The following ENOX1 variants were observed in gnomAD, a reference collection of about 807,000 sequenced individuals.
ENOX1 encodes the protein ecto-NOX disulfide-thiol exchanger 1.
ENOX1 carries 42 observed loss-of-function variants against 82.5 expected under a neutral mutation model. The observed-to-expected ratio is 0.51, with a 90% confidence interval of 0.40 to 0.66. The LOEUF is 0.66. Ranked by LOEUF, ENOX1 falls within the 30% of genes least tolerant of loss-of-function variation. The probability of loss-of-function intolerance (pLI) is 0.00; values close to 1 mark genes in which losing one functional copy is unlikely to be tolerated. For missense variants in ENOX1, 608 were observed against 811.6 expected (o/e 0.75, Z 3.05); for synonymous variants, 271 against 282.2 (o/e 0.96, Z 0.40).
At chr13:43,770,257 G>A (rs1841282441) in intron 1 of ENOX1, among the ~76,000 whole-genome samples, 1 of 152,158 alleles carries the variant, frequency 6.6e-6, no homozygotes, top group Non-Finnish European at 1.5e-5. Flanking sequence ...ATGAGAAAAT[G>A]GCATTCCCCC....
At chr13:43,498,057 A>T (rs1030293031) in intron 2 of ENOX1, among the ~76,000 whole-genome samples, 1 of 152,048 alleles carries the variant, frequency 6.6e-6, no homozygotes, top group South Asian at 2.1e-4. Context: ...TGACTAAACC[A>T]TATATATTTC....
intron 2 of ENOX1, among the ~76,000 whole-genome samples, chr13:43,554,101 T>C (rs960092434): frequency 1.3e-5 from 2 of 152,084 alleles, no homozygotes; most frequent in Non-Finnish European, 2.9e-5. Flanking sequence ...GGGGAAAACA[T>C]AAATAATTAC....
At chr13:43,459,721 C>T (rs2057379618) in intron 3 of ENOX1, among the ~76,000 whole-genome samples, 1 of 152,078 alleles carries the variant, frequency 6.6e-6, no homozygotes, top group Non-Finnish European at 1.5e-5. Flanking sequence ...CTGCTGGGTG[C>T]GGTGGCTCCC....
In ENOX1 at chr13:43,625,541, T is replaced by C. The variant is rs181722774; in HGVS notation, c.-219+41938A>G. Among the ~76,000 whole-genome samples, 15 of 152,098 alleles carry C rather than the reference T, an allele frequency of 9.9e-5. No homozygotes were observed. The East Asian group carries it at 2.5e-3, about 25-fold the overall frequency. ...CTATTCCTTCTTTTTTTCCAAGAAT[T>C]TTCATCATAAATAAGTGTTGAATTT... On this transcript the variant is annotated intron_variant, in intron 2 of 16. Coordinates refer to ENST00000690772, the MANE Select transcript of ENOX1 (RefSeq NM_001347969.2).
chr13:43,286,549 C>G (rs1257372796), intron 12 of ENOX1, among the ~76,000 whole-genome samples: 1 of 152,150 alleles, frequency 6.6e-6, no homozygotes, highest in East Asian at 1.9e-4. Context: ...TAATAGTCTG[C>G]AGGGCAATGC....
At chr13:43,578,994 T>C (rs939653264) in intron 2 of ENOX1, among the ~76,000 whole-genome samples, 1 of 152,088 alleles carries the variant, frequency 6.6e-6, no homozygotes, top group Non-Finnish European at 1.5e-5. Flanking sequence ...TAGGAATTCT[T>C]GTTCCTTCAT....
chr13:43,599,039 G>A (rs1201029427), intron 2 of ENOX1, among the ~76,000 whole-genome samples: 2 of 152,130 alleles, frequency 1.3e-5, no homozygotes, highest in African/African-American at 4.8e-5. Context: ...GAGGGAAGAG[G>A]TCTGAATTCT....
At chr13:43,260,777 C>T (rs560310937) in intron 14 of ENOX1, among the ~76,000 whole-genome samples, 5 of 152,152 alleles carry the variant, frequency 3.3e-5, no homozygotes, top group Admixed American at 6.5e-5. Flanking sequence ...AGCTCAGAGA[C>T]AGAGATGAAA....
chr13:43,700,214 C>T lies in ENOX1; in HGVS notation c.-284-32670G>A, dbSNP rs186782254. Among the ~76,000 whole-genome samples, 21 of 152,108 alleles carry T rather than the reference C, an allele frequency of 1.4e-4. No individual in the cohort carries two copies. The East Asian group carries it at 4.0e-3, about 29-fold the overall frequency. On this transcript the variant is annotated intron_variant, in intron 1 of 16. Transcript: ENST00000690772. ...GAAGCAAGACAGCCAATAATTCCATCTAGTAAGGGGGAAAATAAAACTTCT... is the reference window on the plus strand; with the variant it reads ...GAAGCAAGACAGCCAATAATTCCATTTAGTAAGGGGGAAAATAAAACTTCT...
intron 3 of ENOX1, among the ~76,000 whole-genome samples, chr13:43,461,093 G>C (rs2057464897): frequency 2.6e-5 from 4 of 152,140 alleles, no homozygotes; most frequent in African/African-American, 9.7e-5. Flanking sequence ...TTTTTAAAAA[G>C]TGCTCCCTGA....
At chr13:43,354,635 C>T (rs1021670479) in intron 8 of ENOX1, among the ~76,000 whole-genome samples, 17 of 152,308 alleles carry the variant, frequency 1.1e-4, no homozygotes, top group Admixed American at 1.0e-3. Context: ...TCAATCACAT[C>T]CCTCTTCTCA....
chr13:43,370,472 C>A (rs534254612), intron 5 of ENOX1, among the ~76,000 whole-genome samples: 2 of 152,304 alleles, frequency 1.3e-5, no homozygotes, highest in South Asian at 4.2e-4. Flanking sequence ...GGGCCATTGC[C>A]AGGTCTCAGG....
chr13:43,728,811 G>C (rs1450128358), intron 1 of ENOX1, among the ~76,000 whole-genome samples: 1 of 152,128 alleles, frequency 6.6e-6, no homozygotes, highest in South Asian at 2.1e-4. Flanking sequence ...ACACAAGCTG[G>C]AGAAAAAATT....
chr13:43,314,324 T>G (rs773657316), intron 11 of ENOX1, among the ~76,000 whole-genome samples: 1 of 152,178 alleles, frequency 6.6e-6, no homozygotes, highest in Non-Finnish European at 1.5e-5. Context: ...TAATGGCAAG[T>G]AGAATTTCCA....
chr13:43,735,591 T>C (rs900640082), intron 1 of ENOX1, among the ~76,000 whole-genome samples: 1 of 151,910 alleles, frequency 6.6e-6, no homozygotes, highest in Non-Finnish European at 1.5e-5. Flanking sequence ...CCTGGCAGCG[T>C]GCGCCTGTAG....
chr13:43,279,241 T>C (rs2045237788), intron 12 of ENOX1, among the ~76,000 whole-genome samples: 2 of 152,184 alleles, frequency 1.3e-5, no homozygotes, highest in Non-Finnish European at 2.9e-5. Context: ...TATGGCAACA[T>C]TATTCTGAAA....
chr13:43,322,335 G>T (rs2047856912), intron 11 of ENOX1, 49 bp downstream of exon 11: 3 of 1,427,184 alleles, frequency 2.1e-6, no homozygotes, highest in Non-Finnish European at 2.9e-6. Context: ...TCTGAGATTT[G>T]GAAGATCATT....
chr13:43,341,142 A>T (rs983285720), intron 9 of ENOX1, among the ~76,000 whole-genome samples: 1 of 152,012 alleles, frequency 6.6e-6, no homozygotes, highest in Non-Finnish European at 1.5e-5. Context: ...CTAAAAATAC[A>T]AAAAATCAGA....
chr13:43,333,090 A>C (rs1198173612), intron 9 of ENOX1, among the ~76,000 whole-genome samples: 1 of 152,234 alleles, frequency 6.6e-6, no homozygotes, highest in Non-Finnish European at 1.5e-5. Context: ...CACTTAATAT[A>C]TCTTGGAAAT....
Sources: allele counts gnomAD v4.1 joint callset (sites outside exome capture counted in the v4.1 genomes callset), GRCh38; gene constraint gnomAD v4.1.1; transcripts MANE v1.5; gene names NCBI Gene and HGNC (gene_info 2026-07-23, HGNC 2026-07-21).